Variants in SUCO observed in about 807,000 individuals in gnomAD.
The protein encoded by SUCO is SUN domain-containing ossification factor.
In SUCO, 57 loss-of-function variants were observed where a neutral mutation model predicts 148.1. The ratio of observed to expected loss-of-function variants is 0.38; its 90% CI spans 0.31 to 0.48. The LOEUF is 0.48. SUCO is among the 20% of genes least tolerant of loss of function. SUCO has a pLI of 0.96. For missense variants in SUCO, 1,331 were observed against 1,468.2 expected, an observed-to-expected ratio of 0.91 and a Z score of 1.53; for synonymous variants, 470 against 502.7, an observed-to-expected ratio of 0.93 and a Z score of 0.87.
chr1:172,590,420 A>T, intron 18 of SUCO: 2 of 950,408 alleles, frequency 2.1e-6, no homozygotes, highest in Non-Finnish European at 2.5e-6. Flanking sequence ...TCTAGTTGTA[A>T]TAATTTCTGC....
intron 19 of SUCO, among the ~76,000 whole-genome samples, chr1:172,592,132 A>AT (rs1408020641): frequency 1.1e-4 from 16 of 151,508 alleles, no homozygotes; most frequent in Admixed American, 1.3e-4. Context: ...GGGTTGTTTG[A>AT]TTTTTTCTTG....
chr1:172,554,737 CA>C (rs77841500), intron 3 of SUCO, among the ~76,000 whole-genome samples: 4,143 of 68,414 alleles, frequency 0.061, 62 homozygotes, highest in African/African-American at 0.11. Context: ...GACTCTGTCT[CA>C]AAAAAAAAAA....
chr1:172,578,197 C>A (rs1655599685), intron 13 of SUCO, 101 bp from the exon 14 acceptor site: 3 of 913,130 alleles, frequency 3.3e-6, no homozygotes, highest in Non-Finnish European at 5.2e-6. Context: ...GCCAGTGGCC[C>A]TCAAAATATG....
In SUCO at chr1:172,610,764, T is replaced by TG. The variant is rs2149276834; in HGVS notation, c.*506dup. On this transcript the variant is annotated 3_prime_UTR_variant, in exon 24 of 24. Transcript: ENST00000263688. ...GGGGTCTGTGCCTGAAGCTCAGGAG[T>TG]GTGGATCAGACAGTCTAAAGATCCT... 1 of 152,916 alleles carries TG rather than the reference T, an allele frequency of 6.5e-6. No individual in the cohort carries two copies. The highest frequency in any genetic ancestry group is 6.5e-5 in the Admixed American group (1 of 15,294). The allele number at this position is 152,916 out of a possible 1,614,324, so 9.5% of individuals were successfully genotyped here.
chr1:172,608,937 T>C, intron 23 of SUCO, 135 bp downstream of exon 23: 2 of 683,108 alleles, frequency 2.9e-6, no homozygotes, highest in Non-Finnish European at 4.9e-6. Flanking sequence ...GATAATGTTG[T>C]AAATAAATAT....
At chr1:172,582,644 T>C (rs1009070714) in intron 15 of SUCO, among the ~76,000 whole-genome samples, 1 of 152,136 alleles carries the variant, frequency 6.6e-6, no homozygotes, top group African/African-American at 2.4e-5. Flanking sequence ...CAGATAATCA[T>C]GGTGTATACA....
Position 172,533,209 on chromosome 1 carries a change from G to C in SUCO, c.-227G>C, listed in dbSNP as rs1201306815. On this transcript the variant is annotated 5_prime_UTR_variant, in exon 1 of 24. Coordinates refer to ENST00000263688, the MANE Select transcript of SUCO (RefSeq NM_014283.5). ...TGGACGAGCCGGTGGCTGCAGCGGC[G>C]GCGGTCCCCGGAGTCCTGTGAAGCG... 1.3e-6 allele frequency: 2 copies of C among 1,519,416 alleles called. No individual in the cohort carries two copies. The highest frequency in any genetic ancestry group is 1.8e-6 in the Non-Finnish European group (2 of 1,133,458). 94.1% of individuals were successfully genotyped at this position (1,519,416 alleles called of 1,614,324 possible). A position where few individuals can be genotyped will look rare whatever the true frequency, so the allele number is the denominator to read the frequency against.
At chr1:172,546,462 G>C (rs565903298) in intron 1 of SUCO, among the ~76,000 whole-genome samples, 1 of 152,284 alleles carries the variant, frequency 6.6e-6, no homozygotes, top group Non-Finnish European at 1.5e-5. Context: ...GAGAAGTTCT[G>C]ATTAACTACT....
chr1:172,570,768 A>G (rs757206150), intron 9 of SUCO, 38 bp downstream of exon 9: 2 of 1,183,776 alleles, frequency 1.7e-6, no homozygotes, highest in Admixed American at 1.9e-5. Flanking sequence ...CATTCTACAT[A>G]TATATGCATA....
At chr1:172,548,683 T>C (rs1033359506) in intron 1 of SUCO, among the ~76,000 whole-genome samples, 1 of 152,152 alleles carries the variant, frequency 6.6e-6, no homozygotes, top group East Asian at 1.9e-4. Flanking sequence ...GCTGTCTTTC[T>C]GTTATTTCAA....
chr1:172,596,284 A>G (rs969478345), intron 19 of SUCO, among the ~76,000 whole-genome samples: 1 of 152,196 alleles, frequency 6.6e-6, no homozygotes, highest in Non-Finnish European at 1.5e-5. Context: ...ACTTCTGTGT[A>G]CTTGTCAAAG....
At chr1:172,578,515 T>G in intron 14 of SUCO, 126 bp downstream of exon 14, 1 of 1,385,728 alleles carries the variant, frequency 7.2e-7, no homozygotes, top group Non-Finnish European at 9.4e-7. Flanking sequence ...TGTTTTGTTG[T>G]TTTTAACTCT....
chr1:172,566,180 T>C (rs1289862623), intron 6 of SUCO, among the ~76,000 whole-genome samples: 3 of 152,224 alleles, frequency 2.0e-5, no homozygotes, highest in African/African-American at 7.2e-5. Context: ...AAAAGAGCTT[T>C]TGATTAGTGT....
chr1:172,600,096 A>G lies in SUCO; in HGVS notation c.2946A>G (p.Leu982=). 1 of 1,608,210 alleles carries G rather than the reference A, an allele frequency of 6.2e-7. No individual in the cohort carries two copies. Among genetic ancestry groups the G allele is most frequent in the South Asian group, 1.1e-5 (1 of 89,300 alleles). Reference sequence around the variant, plus strand: ...GGCAAACTGAAGCCATCCAGTTGCTACAGGCACAGCTGACCAACATGACAC... The same window carrying G: ...GGCAAACTGAAGCCATCCAGTTGCTGCAGGCACAGCTGACCAACATGACAC... ...DQRQTEAIQL[L]QAQLTNMTQL... is the part of the protein sequence containing the mutation. Residue 982 remains leucine, a synonymous_variant, in exon 20 of 24, where the codon CTA becomes CTG. Coordinates refer to ENST00000263688, the MANE Select transcript of SUCO (RefSeq NM_014283.5).
At chr1:172,599,810 T>G (rs564388968) in intron 19 of SUCO, among the ~76,000 whole-genome samples, 24 of 152,330 alleles carry the variant, frequency 1.6e-4, no homozygotes, top group African/African-American at 5.8e-4. Context: ...TATACAGTAT[T>G]TCACATTGTA....
intron 1 of SUCO, among the ~76,000 whole-genome samples, chr1:172,542,318 G>A (rs935900814): frequency 4.6e-5 from 7 of 152,130 alleles, no homozygotes; most frequent in Admixed American, 2.6e-4. Flanking sequence ...GGAGACGGAG[G>A]TTGCGGTGAA....
At chr1:172,553,424 A>G (rs932442021) in intron 3 of SUCO, 54 bp downstream of exon 3, 9 of 1,327,640 alleles carry the variant, frequency 6.8e-6, no homozygotes, top group East Asian at 2.4e-5. Flanking sequence ...CTACTTTACA[A>G]GATTGAAAAC....
intron 22 of SUCO, chr1:172,607,932 G>A (rs756763899): frequency 4.6e-5 from 9 of 193,948 alleles, no homozygotes; most frequent in Non-Finnish European, 8.4e-5. Flanking sequence ...CTTCTGTAGT[G>A]AATTTACTAT....
chr1:172,556,122 G>A (rs2149232710), intron 4 of SUCO, 99 bp downstream of exon 4: 1 of 914,640 alleles, frequency 1.1e-6, no homozygotes, highest in South Asian at 1.6e-5. Flanking sequence ...CAAGTTTGAA[G>A]TTTAGGCTAT....
Sources: allele counts gnomAD v4.1 joint callset (sites outside exome capture counted in the v4.1 genomes callset), GRCh38; gene constraint gnomAD v4.1.1; transcripts MANE v1.5; gene names NCBI Gene and HGNC (gene_info 2026-07-23, HGNC 2026-07-21).